The following BAIAP2 variants were observed in gnomAD, a reference collection of about 807,000 sequenced individuals.
BAIAP2 encodes BAR/IMD domain-containing adapter protein 2.
In BAIAP2, 18 loss-of-function variants were observed where a neutral mutation model predicts 63.0. The ratio of observed to expected loss-of-function variants is 0.29; its 90% CI spans 0.20 to 0.42. The LOEUF (loss-of-function observed/expected upper bound fraction) is 0.42, where lower values mean the gene tolerates loss of function less well. BAIAP2 is among the 10% of genes least tolerant of loss of function. BAIAP2 has a pLI of 1.00. For synonymous variants in BAIAP2, 386 were observed against 307.6 expected, an observed-to-expected ratio of 1.25 and a Z score of -2.67; for missense variants, 610 against 734.3, an observed-to-expected ratio of 0.83 and a Z score of 1.96.
At position 81,115,953 on chromosome 17, in the gene BAIAP2, G is replaced by A. The variant is rs936763004; in HGVS notation, c.*114G>A. 27 of 1,529,564 alleles carry A rather than the reference G, an allele frequency of 1.8e-5. No homozygotes were observed. In the South Asian group the frequency reaches 2.6e-4, roughly 15 times the overall value. 94.7% of individuals were successfully genotyped at this position (1,529,564 alleles called of 1,614,324 possible). On this transcript the variant is annotated 3_prime_UTR_variant, in exon 14 of 14. Transcript: ENST00000428708. ...GAGAACATCCAGGCCCCGGCTGCCT[G>A]GTCTTGCCCCACTTGAGTCTGGCCT...
At chr17:81,045,318 G>A (rs942529480) in intron 1 of BAIAP2, among the ~76,000 whole-genome samples, 2 of 152,118 alleles carry the variant, frequency 1.3e-5, no homozygotes, top group Non-Finnish European at 2.9e-5. Flanking sequence ...TGGGGCTGGG[G>A]GCCCAGGGGA....
chr17:81,051,599 G>C (rs12603891), intron 1 of BAIAP2, among the ~76,000 whole-genome samples: 10,702 of 152,204 alleles, frequency 0.07, 587 homozygotes, highest in East Asian at 0.31. Context: ...GTTTCACCAC[G>C]TTGGCCAGGA....
intron 1 of BAIAP2, among the ~76,000 whole-genome samples, chr17:81,040,415 A>G (rs567287979): frequency 6.6e-6 from 1 of 152,312 alleles, no homozygotes; most frequent in Admixed American, 6.5e-5. Flanking sequence ...CCGAGCGCTG[A>G]TTCATTCCTG....
At chr17:81,041,263 A>G (rs1459886507) in intron 1 of BAIAP2, among the ~76,000 whole-genome samples, 1 of 152,180 alleles carries the variant, frequency 6.6e-6, no homozygotes, top group Non-Finnish European at 1.5e-5. Context: ...GGCAGTGGGT[A>G]CAGCGGGCAG....
intron 4 of BAIAP2, 132 bp from the exon 5 acceptor site, chr17:81,085,520 CAG>C (rs770386235): frequency 4.3e-5 from 32 of 744,820 alleles, no homozygotes; most frequent in Admixed American, 2.4e-4. Context: ...GCTCATCAGT[CAG>C]GGGGAGGGGG....
At chr17:81,109,122 A>G (rs1727038466) in intron 13 of BAIAP2, 9 of 1,457,246 alleles carry the variant, frequency 6.2e-6, no homozygotes, top group Middle Eastern at 1.8e-4. Context: ...CACCTGCCCC[A>G]TGCCTTTTGG....
chr17:81,098,241 G>A (rs1000954670), intron 6 of BAIAP2: 7 of 1,269,570 alleles, frequency 5.5e-6, no homozygotes, highest in East Asian at 3.1e-5. Context: ...GCTGGGAGGC[G>A]CCTCTGCCCA....
intron 6 of BAIAP2, among the ~76,000 whole-genome samples, chr17:81,093,533 A>G (rs60613650): frequency 0.17 from 26,495 of 152,060 alleles, 2,394 homozygotes; most frequent in Middle Eastern, 0.33. Context: ...ATGGCCCCGC[A>G]TCCCTGGGGA....
rs142448427 is a variant in BAIAP2 at position 81,052,306 on chromosome 17, C to G, written c.55-1362C>G. Among the ~76,000 whole-genome samples, 273 of 152,374 alleles carry G rather than the reference C, an allele frequency of 1.8e-3. 2 individuals are homozygous for G. The highest frequency in any genetic ancestry group is 6.3e-3 in the African/African-American group (264 of 41,586). On this transcript the variant is annotated intron_variant, in intron 1 of 13. Transcript: ENST00000428708. Reference sequence around the variant, plus strand: ...CGCTGGCCCTCCTAGTCCTGCCTTCCCTCGGGAGATGTTGGCTCTGTGCGA... The same window carrying G: ...CGCTGGCCCTCCTAGTCCTGCCTTCGCTCGGGAGATGTTGGCTCTGTGCGA...
At chr17:81,075,176 TG>T (rs1419737222) in intron 3 of BAIAP2, among the ~76,000 whole-genome samples, 2 of 152,184 alleles carry the variant, frequency 1.3e-5, no homozygotes, top group Admixed American at 6.5e-5. Context: ...CATTTGGCAT[TG>T]GGGGAAACTT....
chr17:81,108,397 T>G, intron 12 of BAIAP2, 78 bp from the exon 13 acceptor site: 1 of 1,486,954 alleles, frequency 6.7e-7, no homozygotes, highest in Non-Finnish European at 9.4e-7. Context: ...TCACCATTTG[T>G]GGGTGTGTAC....
At chr17:81,058,772 A>G (rs913282585) in intron 3 of BAIAP2, among the ~76,000 whole-genome samples, 1 of 152,148 alleles carries the variant, frequency 6.6e-6, no homozygotes, top group Non-Finnish European at 1.5e-5. Flanking sequence ...CGTGGCCGCC[A>G]ATCTGGGAGG....
chr17:81,065,276 C>A (rs887963725), intron 3 of BAIAP2, among the ~76,000 whole-genome samples: 28 of 152,360 alleles, frequency 1.8e-4, no homozygotes, highest in African/African-American at 6.0e-4. Context: ...CGGGCCCAGC[C>A]TGGTCACAGA....
chr17:81,075,547 C>T (rs111582023), intron 3 of BAIAP2, among the ~76,000 whole-genome samples: 5 of 152,230 alleles, frequency 3.3e-5, no homozygotes, highest in South Asian at 2.1e-4. Flanking sequence ...TCACTAGACG[C>T]GGCTGTGTCA....
At chr17:81,053,578 G>T in intron 1 of BAIAP2, 90 bp from the exon 2 acceptor site, 1 of 1,428,126 alleles carries the variant, frequency 7.0e-7, no homozygotes, top group Non-Finnish European at 9.9e-7. Flanking sequence ...AGGGGTGCCT[G>T]CTCTGGGTTT....
rs771787710 is a variant in BAIAP2, at chr17:81,106,742, C to T, written c.1338-3C>T. 2 of 1,612,582 alleles carry T rather than the reference C, an allele frequency of 1.2e-6. No homozygotes were observed. Among genetic ancestry groups the T allele is most frequent in the East Asian group, 2.2e-5 (1 of 44,874 alleles). On this transcript the variant is annotated splice_polypyrimidine_tract_variant and splice_region_variant and intron_variant, in intron 11 of 13. Transcript: ENST00000428708. ...GGCCGCCTCTGAGTCCCTGTCCCTACAGCCTGCAGCAAGGGAAGAGCAGCA... is the reference window on the plus strand; with the variant it reads ...GGCCGCCTCTGAGTCCCTGTCCCTATAGCCTGCAGCAAGGGAAGAGCAGCA...
intron 13 of BAIAP2, chr17:81,110,022 GAAAC>G: frequency 4.1e-6 from 4 of 985,488 alleles, no homozygotes; most frequent in Non-Finnish European, 4.8e-6. Flanking sequence ...GGTGACTTTA[GAAAC>G]AAACACAGTG....
At chr17:81,045,627 A>C (rs1201775816) in intron 1 of BAIAP2, among the ~76,000 whole-genome samples, 2 of 152,046 alleles carry the variant, frequency 1.3e-5, no homozygotes, top group African/African-American at 4.8e-5. Flanking sequence ...GGAGGCTGAG[A>C]ACTGGAGCTA....
chr17:81,116,563 G>T lies in BAIAP2; in HGVS notation c.*724G>T. 1 of 537,290 alleles carries T rather than the reference G, an allele frequency of 1.9e-6. No homozygotes were observed. 33.3% of individuals were successfully genotyped at this position (537,290 alleles called of 1,614,324 possible). The stretch of plus-strand genomic sequence containing the variant: ...AAAGGCCAGCTGTCAGGTGCTATGC[G>T]GGGTCACCAGCAGAGTGCCCGCTGG... On this transcript the variant is annotated 3_prime_UTR_variant, in exon 14 of 14. Coordinates refer to ENST00000428708, the MANE Select transcript of BAIAP2 (RefSeq NM_001144888.2).
Sources: gnomAD v4.1 joint callset for allele counts (sites outside exome capture counted in the v4.1 genomes callset) on GRCh38, gnomAD v4.1.1 for gene constraint, MANE v1.5 for transcripts, NCBI Gene and HGNC (gene_info 2026-07-23, HGNC 2026-07-21) for gene names.